FOXN3: variants seen among roughly 807,000 people sequenced by gnomAD.
FOXN3 encodes forkhead box protein N3.
Under a neutral mutation model 38.4 loss-of-function variants are expected in FOXN3, and 7 were observed. The observed-to-expected ratio is 0.18, with a 90% CI of 0.10 to 0.34. The LOEUF is 0.34. Ranked by LOEUF, FOXN3 falls within the 10% of genes least tolerant of loss-of-function variation. The pLI, the probability that FOXN3 is intolerant of heterozygous loss-of-function variation, is 1.00. For missense variants in FOXN3, 456 were observed against 613.4 expected, an observed-to-expected ratio of 0.74 and a Z score of 2.71; for synonymous variants, 230 against 242.2, an observed-to-expected ratio of 0.95 and a Z score of 0.47.
chr14:89,603,529 G>T (rs572479463), intron 1 of FOXN3, among the ~76,000 whole-genome samples: 1 of 152,204 alleles, frequency 6.6e-6, no homozygotes, highest in African/African-American at 2.4e-5. Context: ...TACCGTAGTT[G>T]GCCAAAGGCA....
chr14:89,465,460 C>A (rs1892960397), intron 1 of FOXN3, among the ~76,000 whole-genome samples: 1 of 152,006 alleles, frequency 6.6e-6, no homozygotes, highest in Non-Finnish European at 1.5e-5. Flanking sequence ...AATCTCTTGA[C>A]CTCGTGATCC....
intron 1 of FOXN3, among the ~76,000 whole-genome samples, chr14:89,545,196 T>A (rs1894861210): frequency 6.6e-6 from 1 of 152,222 alleles, no homozygotes; most frequent in African/African-American, 2.4e-5. Context: ...AACACATGCT[T>A]GATAGCATTT....
At chr14:89,206,001 C>T (rs1440881729) in intron 4 of FOXN3, among the ~76,000 whole-genome samples, 2 of 152,216 alleles carry the variant, frequency 1.3e-5, no homozygotes, top group South Asian at 2.1e-4. Flanking sequence ...TGCCCGTCCC[C>T]TCCACTATGG....
At chr14:89,324,181 G>A (rs1158649049) in intron 3 of FOXN3, among the ~76,000 whole-genome samples, 2 of 152,026 alleles carry the variant, frequency 1.3e-5, no homozygotes, top group African/African-American at 2.4e-5. Flanking sequence ...CAAGCAACAC[G>A]CCCATTAGCT....
chr14:89,256,919 T>C (rs913607628), intron 4 of FOXN3, among the ~76,000 whole-genome samples: 1 of 152,214 alleles, frequency 6.6e-6, no homozygotes, highest in African/African-American at 2.4e-5. Context: ...AGTCTACTTT[T>C]CAAAGAATCA....
intron 1 of FOXN3, among the ~76,000 whole-genome samples, chr14:89,493,649 G>C (rs1033212829): frequency 3.3e-5 from 5 of 152,054 alleles, no homozygotes; most frequent in African/African-American, 1.2e-4. Flanking sequence ...ATGGAGCCCC[G>C]ATTTCCCCTT....
intron 3 of FOXN3, among the ~76,000 whole-genome samples, chr14:89,331,344 T>A (rs768341944): frequency 6.6e-6 from 1 of 152,240 alleles, no homozygotes; most frequent in Non-Finnish European, 1.5e-5. Flanking sequence ...CTCTGCATAA[T>A]GTTCAAAGTT....
chr14:89,578,237 T>C (rs915284858), intron 1 of FOXN3, among the ~76,000 whole-genome samples: 1 of 152,230 alleles, frequency 6.6e-6, no homozygotes, highest in South Asian at 2.1e-4. Flanking sequence ...TCCAGCCCTG[T>C]GGTTTTGCAA....
intron 2 of FOXN3, among the ~76,000 whole-genome samples, chr14:89,393,206 G>A (rs1008809456): frequency 6.6e-6 from 1 of 152,172 alleles, no homozygotes; most frequent in Non-Finnish European, 1.5e-5. Flanking sequence ...CTCTCAAAAT[G>A]CTGGGATTAC....
At chr14:89,286,537 T>C (rs530505968) in intron 3 of FOXN3, among the ~76,000 whole-genome samples, 1 of 152,282 alleles carries the variant, frequency 6.6e-6, no homozygotes, top group South Asian at 2.1e-4. Context: ...TGGCAATCCC[T>C]TCGGATGGGT....
intron 1 of FOXN3, among the ~76,000 whole-genome samples, chr14:89,526,717 C>T (rs1353666175): frequency 6.6e-6 from 1 of 152,130 alleles, no homozygotes; most frequent in Non-Finnish European, 1.5e-5. Flanking sequence ...AAAATCCCAA[C>T]AGGCTTTTTT....
At chr14:89,187,895 C>T (rs1400467101) in intron 4 of FOXN3, among the ~76,000 whole-genome samples, 1 of 152,174 alleles carries the variant, frequency 6.6e-6, no homozygotes, top group Admixed American at 6.5e-5. Flanking sequence ...CCTTGACCTC[C>T]AGGGCATTGA....
intron 3 of FOXN3, among the ~76,000 whole-genome samples, chr14:89,335,077 T>TCACACACACA (rs72014136): frequency 1.4e-3 from 200 of 139,430 alleles, no homozygotes; most frequent in Middle Eastern, 3.6e-3. Flanking sequence ...TATTTTCATA[T>TCACACACACA]CACACACACA....
Position 89,191,962 on chromosome 14 carries a change from ACACATATATAT to A in FOXN3, c.746-11167_746-11157del, listed in dbSNP as rs1566925404. On this transcript the variant is annotated intron_variant, in intron 4 of 5. Coordinates refer to ENST00000557258, the MANE Select transcript of FOXN3 (RefSeq NM_005197.4). The stretch of plus-strand genomic sequence containing the variant: ...CACTGATATTAGTATATATATATAT[ACACATATATAT>A]AACTATAATATATAATATATATTAG... Among the ~76,000 whole-genome samples, 12 of 71,610 alleles carry A rather than the reference ACACATATATAT, an allele frequency of 1.7e-4. 1 individual carries two copies. Among genetic ancestry groups the A allele is most frequent in the African/African-American group, 1.2e-3 (12 of 9,678 alleles). 47.0% of individuals were successfully genotyped at this position (71,610 alleles called of 152,430 possible). A position where few individuals can be genotyped will look rare whatever the true frequency, so the allele number is the denominator to read the frequency against.
At chr14:89,265,896 A>AT in intron 4 of FOXN3, among the ~76,000 whole-genome samples, 1 of 152,344 alleles carries the variant, frequency 6.6e-6, no homozygotes, top group East Asian at 1.9e-4. Context: ...TGATGATGAC[A>AT]TTCACGTTCC....
chr14:89,449,058 ATTTCTGCATC>A (rs1167980563), intron 1 of FOXN3, among the ~76,000 whole-genome samples: 2 of 152,194 alleles, frequency 1.3e-5, no homozygotes, highest in Non-Finnish European at 2.9e-5. Context: ...AAGTGGGATG[ATTTCTGCATC>A]TCTCTTGTGT....
chr14:89,247,380 C>A (rs1430831442), intron 4 of FOXN3, among the ~76,000 whole-genome samples: 1 of 152,192 alleles, frequency 6.6e-6, no homozygotes, highest in East Asian at 1.9e-4. Flanking sequence ...GCTAGTGGAG[C>A]TTTCTGGAAC....
At chr14:89,603,484 C>CT (rs926579611) in intron 1 of FOXN3, among the ~76,000 whole-genome samples, 7 of 152,094 alleles carry the variant, frequency 4.6e-5, no homozygotes, top group African/African-American at 1.4e-4. Context: ...AAGGATTATG[C>CT]TTTTTTCTCT....
intron 1 of FOXN3, among the ~76,000 whole-genome samples, chr14:89,606,360 T>C (rs1439387215): frequency 6.6e-6 from 1 of 152,112 alleles, no homozygotes; most frequent in African/African-American, 2.4e-5. Flanking sequence ...ATACAGACTA[T>C]GCCAGATAAT....
Sources: gnomAD v4.1 joint callset for allele counts (sites outside exome capture counted in the v4.1 genomes callset) on GRCh38, gnomAD v4.1.1 for gene constraint, MANE v1.5 for transcripts, NCBI Gene and HGNC (gene_info 2026-07-23, HGNC 2026-07-21) for gene names.